Variants in ZNF800 observed in about 807,000 individuals in gnomAD.
ZNF800 encodes zinc finger protein 800.
Under a neutral mutation model 59.5 loss-of-function variants are expected in ZNF800, and 13 were observed. That is an observed-to-expected ratio of 0.22 (90% CI 0.14 to 0.35). ZNF800 has a LOEUF of 0.35. Ranked by LOEUF, ZNF800 falls within the 10% of genes least tolerant of loss-of-function variation. ZNF800 has a pLI of 1.00. For synonymous variants in ZNF800, 266 were observed against 265.7 expected (o/e 1.00, Z -0.01); for missense variants, 621 against 783.7 (o/e 0.79, Z 2.48).
At chr7:127,359,444 G>A (rs2117043765) in intron 1 of ZNF800, among the ~76,000 whole-genome samples, 1 of 150,520 alleles carries the variant, frequency 6.6e-6, no homozygotes, top group South Asian at 2.1e-4. Context: ...TAAAATTCTA[G>A]CAAAGAGGAC....
chr7:127,387,796 G>A (rs1483436944), intron 2 of ZNF800, among the ~76,000 whole-genome samples: 1 of 152,108 alleles, frequency 6.6e-6, no homozygotes, highest in African/African-American at 2.4e-5. Flanking sequence ...GGGAGGCAGA[G>A]GTTGCAGTGA....
chr7:127,372,600 T>C, intron 5 of ZNF800: 1 of 983,310 alleles, frequency 1.0e-6, no homozygotes, highest in African/African-American at 1.8e-5. Context: ...GTTAAAATGA[T>C]CACCAAAAAG....
chr7:127,357,602 C>A (rs539535881), intron 1 of ZNF800, among the ~76,000 whole-genome samples: 1 of 152,068 alleles, frequency 6.6e-6, no homozygotes, highest in Non-Finnish European at 1.5e-5. Flanking sequence ...TGGGACTCAA[C>A]AAATAAATCT....
chr7:127,386,305 A>C (rs1801138359), intron 2 of ZNF800, 150 bp from the exon 3 acceptor site: 2 of 435,328 alleles, frequency 4.6e-6, no homozygotes, highest in Admixed American at 8.0e-5. Context: ...TAATATGTAG[A>C]TATATATATA....
intron 1 of ZNF800, 139 bp from the exon 2 acceptor site, chr7:127,391,754 A>C: frequency 1.6e-6 from 1 of 624,718 alleles, no homozygotes; most frequent in Non-Finnish European, 2.9e-6. Flanking sequence ...AGAAAACAGA[A>C]AGACGCACAA....
chr7:127,376,466 C>T (rs932471973), intron 4 of ZNF800, among the ~76,000 whole-genome samples: 4 of 151,954 alleles, frequency 2.6e-5, no homozygotes, highest in Non-Finnish European at 5.9e-5. Context: ...ATTAGATACA[C>T]TGCCAGCCTC....
At chr7:127,388,305 G>T (rs1801202999) in intron 2 of ZNF800, among the ~76,000 whole-genome samples, 1 of 152,150 alleles carries the variant, frequency 6.6e-6, no homozygotes, top group Non-Finnish European at 1.5e-5. Context: ...TAGAGAAAGA[G>T]AATTAAACCT....
chr7:127,362,458 A>G (rs555798948), intron 1 of ZNF800: 2 of 152,148 alleles, frequency 1.3e-5, no homozygotes, highest in Non-Finnish European at 2.9e-5. Context: ...GTGAGAATGT[A>G]CTAAGAGTCT....
chr7:127,353,040 T>C lies in ZNF800; in HGVS notation n.225-4997A>G, dbSNP rs890460885. Among the ~76,000 whole-genome samples the C allele has an allele frequency of 7.9e-5, 12 of 152,318 alleles. No homozygotes were observed. In the East Asian group the frequency reaches 2.1e-3, roughly 27 times the overall value. Reference sequence around the variant, plus strand: ...CAGCAGATAAGGCCAAAGTGGTTTTTTCCCCCCAATGGCACCGATAAGTAC... The same window carrying C: ...CAGCAGATAAGGCCAAAGTGGTTTTCTCCCCCCAATGGCACCGATAAGTAC... On this transcript the variant is annotated intron_variant and non_coding_transcript_variant, in intron 1 of 1. Coordinates refer to the ZNF800 transcript ENST00000485577.
chr7:127,389,441 A>C (rs1801239366), intron 2 of ZNF800, among the ~76,000 whole-genome samples: 1 of 152,216 alleles, frequency 6.6e-6, no homozygotes, highest in Admixed American at 6.5e-5. Context: ...TCTCCTCTGG[A>C]GACTCACCCA....
chr7:127,355,439 C>T (rs888680359), intron 1 of ZNF800, among the ~76,000 whole-genome samples: 3 of 151,840 alleles, frequency 2.0e-5, no homozygotes, highest in Non-Finnish European at 2.9e-5. Flanking sequence ...TAATTAATAA[C>T]GCAATAATAA....
intron 3 of ZNF800, among the ~76,000 whole-genome samples, chr7:127,382,568 A>T (rs1224739810): frequency 6.6e-6 from 1 of 152,222 alleles, no homozygotes; most frequent in African/African-American, 2.4e-5. Flanking sequence ...CAGTCAAGGT[A>T]GTAGAAGAAA....
intron 3 of ZNF800, 82 bp downstream of exon 3, chr7:127,385,978 T>C (rs982492515): frequency 1.6e-5 from 15 of 918,248 alleles, no homozygotes; most frequent in Middle Eastern, 2.5e-4. Context: ...TTTAATGTTT[T>C]TTAAAAATTA....
intron 1 of ZNF800, among the ~76,000 whole-genome samples, chr7:127,353,225 GGA>G (rs987352876): frequency 6.6e-5 from 10 of 152,118 alleles, no homozygotes; most frequent in Non-Finnish European, 1.2e-4. Flanking sequence ...TTTCCTTTTG[GGA>G]TGTTTTGTTG....
chr7:127,389,952 CTTAT>C (rs148264305), intron 2 of ZNF800, among the ~76,000 whole-genome samples: 19,465 of 152,056 alleles, frequency 0.13, 1,554 homozygotes, highest in Middle Eastern at 0.22. Context: ...CACAAATTAG[CTTAT>C]TTGTTTACTT....
rs569003924 is a variant in ZNF800 at position 127,378,684 on chromosome 7, C to G, written c.158-1355G>C. Among the ~76,000 whole-genome samples, 8 of 150,348 alleles carry G rather than the reference C, an allele frequency of 5.3e-5. No homozygotes were observed. In the South Asian group the frequency reaches 1.5e-3, roughly 28 times the overall value. ...GAAGTGTATTTTATCATTTTGAAAACGATGATAAAATCATTTCCCCCACCC... is the reference window on the plus strand; with the variant it reads ...GAAGTGTATTTTATCATTTTGAAAAGGATGATAAAATCATTTCCCCCACCC... On this transcript the variant is annotated intron_variant, in intron 3 of 5. Transcript: ENST00000265827.
intron 1 of ZNF800, among the ~76,000 whole-genome samples, 155 bp downstream of exon 1, chr7:127,391,905 G>C (rs1320755963): frequency 3.3e-5 from 5 of 151,186 alleles, no homozygotes; most frequent in Admixed American, 2.0e-4. Flanking sequence ...GCGCGGAAAC[G>C]GAGCGCAGAG....
chr7:127,372,430 A>G (rs1800657764), intron 5 of ZNF800, among the ~76,000 whole-genome samples: 1 of 150,278 alleles, frequency 6.7e-6, no homozygotes, highest in South Asian at 2.1e-4. Flanking sequence ...TAGTGAGCCG[A>G]GATTGCACCA....
intron 3 of ZNF800, among the ~76,000 whole-genome samples, chr7:127,382,919 C>G (rs1406264526): frequency 1.3e-5 from 2 of 152,180 alleles, no homozygotes; most frequent in East Asian, 3.8e-4. Flanking sequence ...TTCCTCTATA[C>G]CCTTTTGTAC....
Sources: gnomAD v4.1 joint callset for allele counts (sites outside exome capture counted in the v4.1 genomes callset) on GRCh38, gnomAD v4.1.1 for gene constraint, MANE v1.5 for transcripts, NCBI Gene and HGNC (gene_info 2026-07-23, HGNC 2026-07-21) for gene names.